Variants in TLCD4 observed in about 807,000 individuals in gnomAD.
The protein encoded by TLCD4 is TLC domain-containing protein 4.
A neutral mutation model predicts 24.2 loss-of-function variants in TLCD4; 7 were observed. That is an observed-to-expected ratio of 0.29 (90% CI 0.16 to 0.54). The LOEUF is 0.54. Ranked by LOEUF, TLCD4 falls within the 20% of genes least tolerant of loss-of-function variation. The pLI is 0.95. For missense variants in TLCD4, 259 were observed against 313.9 expected (o/e 0.82, Z 1.32); for synonymous variants, 103 against 106.4 (o/e 0.97, Z 0.20).
In TLCD4 at chr1:95,191,579, A is replaced by G. The variant is rs536603041; in HGVS notation, c.503A>G (p.Lys168Arg). ...RWFFEALKYP[K>R]FSKAIVINGI... ...TTCTTTGAAGCTCTGAAGTATCCCA[A>G]GTTTTCTAAAGCTATCGTTATCAAT... The change falls in exon 7 of 7, where the codon AAG (lysine) becomes AGG (arginine). Residue 168 changes from lysine (K) to arginine (R), a missense_variant. Physicochemically the swap from Lys to Arg is conservative, Grantham distance 26 (BLOSUM62 2). Transcript: ENST00000370203. 4 of 1,612,918 alleles carry G rather than the reference A, an allele frequency of 2.5e-6. No individual in the cohort carries two copies. The highest frequency in any genetic ancestry group is 2.2e-5 in the East Asian group (1 of 44,864).
At chr1:95,142,291 C>CTTTTTTT (rs33917874) in intron 1 of TLCD4, among the ~76,000 whole-genome samples, 1 of 116,792 alleles carries the variant, frequency 8.6e-6, no homozygotes, top group African/African-American at 3.2e-5. Flanking sequence ...TTATAAAAAT[C>CTTTTTTT]TTTTTTTTTT....
chr1:95,131,108 C>T (rs1676879154), intron 1 of TLCD4, among the ~76,000 whole-genome samples: 1 of 152,080 alleles, frequency 6.6e-6, no homozygotes, highest in Non-Finnish European at 1.5e-5. Context: ...TTGTGTTGTG[C>T]ATGGAGATTT....
At chr1:95,169,480 C>T (rs897226509) in intron 5 of TLCD4, among the ~76,000 whole-genome samples, 2 of 152,156 alleles carry the variant, frequency 1.3e-5, no homozygotes, top group African/African-American at 4.8e-5. Flanking sequence ...TACACTGACT[C>T]TTTTAATACT....
chr1:95,108,450 T>G, the TLCD4 span, among the ~76,000 whole-genome samples: 1 of 152,284 alleles, frequency 6.6e-6, no homozygotes, highest in Admixed American at 6.5e-5. Flanking sequence ...CATGGCTCAC[T>G]CTGGTTTTGA....
At chr1:95,176,914 G>A (rs1272172768) in intron 6 of TLCD4, among the ~76,000 whole-genome samples, 1 of 152,116 alleles carries the variant, frequency 6.6e-6, no homozygotes, top group African/African-American at 2.4e-5. Flanking sequence ...CCATTGTGTA[G>A]TCTTGGTACC....
At chr1:95,118,215 G>A (rs1051038940) in intron 1 of TLCD4, 1 of 152,222 alleles carries the variant, frequency 6.6e-6, no homozygotes, top group East Asian at 1.9e-4. Context: ...GGGACCAGGC[G>A]TAGAGTCGGA....
At chr1:95,144,214 CA>C (rs1001717676) in intron 2 of TLCD4, among the ~76,000 whole-genome samples, 158 bp downstream of exon 2, 2 of 151,350 alleles carry the variant, frequency 1.3e-5, no homozygotes, top group African/African-American at 2.4e-5. Context: ...TGATCTCATG[CA>C]AAAAAAAGTT....
intron 1 of TLCD4, among the ~76,000 whole-genome samples, chr1:95,128,111 G>C (rs1019452953): frequency 6.6e-6 from 1 of 152,166 alleles, no homozygotes; most frequent in Non-Finnish European, 1.5e-5. Flanking sequence ...GTTTTCGGTG[G>C]AGTGAGATGC....
In TLCD4 at chr1:95,197,215, A is replaced by G. The variant is rs1406396810; in HGVS notation, c.*5347A>G. ...TACAAAATGTAAGACTAGATAATGT[A>G]TGAATCAGTGTTACTAGGACTTATC... On this transcript the variant is annotated 3_prime_UTR_variant, in exon 7 of 7. Transcript: ENST00000370203. 6.6e-6 allele frequency: 1 copy of G among 152,176 alleles called. No individual in the cohort carries two copies. Among genetic ancestry groups the G allele is most frequent in the Non-Finnish European group, 1.5e-5 (1 of 68,002 alleles). 9.4% of individuals were successfully genotyped at this position (152,176 alleles called of 1,614,324 possible).
At chr1:95,181,487 G>A (rs935702617) in intron 6 of TLCD4, among the ~76,000 whole-genome samples, 1 of 152,106 alleles carries the variant, frequency 6.6e-6, no homozygotes, top group African/African-American at 2.4e-5. Context: ...AAGTAAATGT[G>A]AAATCTGAAA....
intron 6 of TLCD4, among the ~76,000 whole-genome samples, chr1:95,188,467 T>C (rs1183282070): frequency 6.6e-6 from 1 of 151,666 alleles, no homozygotes; most frequent in Non-Finnish European, 1.5e-5. Flanking sequence ...ACTTGAGGAC[T>C]AGGGGTTTAT....
At position 95,141,324 on chromosome 1, in the gene TLCD4, T is replaced by C. The variant is rs563163203; in HGVS notation, c.-11-2567T>C. ...TTCATAAAATGGATAAGGTATGATA[T>C]GTTTTATGACACCTTTTAACATTCA... On this transcript the variant is annotated intron_variant, in intron 1 of 6. Coordinates refer to ENST00000370203, the MANE Select transcript of TLCD4 (RefSeq NM_152487.3). 2.0e-5 allele frequency among the ~76,000 whole-genome samples: 3 copies of C among 152,348 alleles called. No individual in the cohort carries two copies. The South Asian group carries it at 6.2e-4, about 32-fold the overall frequency.
chr1:95,097,964 A>G, the TLCD4 span, among the ~76,000 whole-genome samples: 1 of 152,286 alleles, frequency 6.6e-6, no homozygotes, highest in Admixed American at 6.5e-5. Context: ...TGTATTTCAT[A>G]TATTCTTCCT....
At chr1:95,092,541 G>A in the TLCD4 span, among the ~76,000 whole-genome samples, 2 of 152,162 alleles carry the variant, frequency 1.3e-5, no homozygotes, top group Non-Finnish European at 2.9e-5. Flanking sequence ...TTCGTTCTTT[G>A]CAATAAATCT....
At chr1:95,142,704 C>T (rs1419777032) in intron 1 of TLCD4, among the ~76,000 whole-genome samples, 1 of 152,106 alleles carries the variant, frequency 6.6e-6, no homozygotes, top group Non-Finnish European at 1.5e-5. Context: ...GTAATCCCAG[C>T]ACTTTAGGAG....
chr1:95,120,775 A>G (rs1180716530), intron 1 of TLCD4, among the ~76,000 whole-genome samples: 2 of 152,250 alleles, frequency 1.3e-5, no homozygotes, highest in Admixed American at 6.5e-5. Context: ...GACCCAGGGC[A>G]TAGCAAGTAT....
At chr1:95,163,969 TAGTC>T (rs1200788699) in intron 5 of TLCD4, 2 of 152,158 alleles carry the variant, frequency 1.3e-5, no homozygotes, top group African/African-American at 4.8e-5. Flanking sequence ...CTTGAGGAGG[TAGTC>T]TGTCTGTTCT....
At chr1:95,103,180 C>T in the TLCD4 span, among the ~76,000 whole-genome samples, 5 of 152,030 alleles carry the variant, frequency 3.3e-5, no homozygotes, top group Non-Finnish European at 7.4e-5. Flanking sequence ...GGTTTCACCA[C>T]GTTGGCTGGG....
At chr1:95,126,941 GC>G (rs1479333675) in intron 1 of TLCD4, among the ~76,000 whole-genome samples, 2 of 152,216 alleles carry the variant, frequency 1.3e-5, no homozygotes, top group Non-Finnish European at 2.9e-5. Flanking sequence ...GCCTGGCGTG[GC>G]AGTGTCATTG....
Sources: allele counts gnomAD v4.1 joint callset (sites outside exome capture counted in the v4.1 genomes callset), GRCh38; gene constraint gnomAD v4.1.1; transcripts MANE v1.5; gene names NCBI Gene and HGNC (gene_info 2026-07-23, HGNC 2026-07-21).